ZNF611: variants seen among roughly 807,000 people sequenced by gnomAD.
The protein encoded by ZNF611 is zinc finger protein 611.
Under a neutral mutation model 8.9 loss-of-function variants are expected in ZNF611, and 6 were observed. The observed-to-expected ratio is 0.68, with a 90% CI of 0.37 to 1.34. The LOEUF is 1.34. Ranked by LOEUF, ZNF611 falls within the 40% of genes most tolerant of loss-of-function variation. The pLI is 0.02. For synonymous variants in ZNF611, 262 were observed against 279.7 expected (o/e 0.94, Z 0.63); for missense variants, 874 against 841.3 (o/e 1.04, Z -0.48).
In ZNF611 at chr19:52,705,138, G is replaced by A. The variant is rs151067148; in HGVS notation, c.1917C>T (p.Tyr639=). 1.2e-6 allele frequency: 2 copies of A among 1,613,916 alleles called. No homozygotes were observed. The highest frequency in any genetic ancestry group is 2.2e-5 in the South Asian group (2 of 91,062). Residue 639 remains tyrosine (Y), a synonymous_variant, in exon 6 of 6, where the codon TAC becomes TAT. Transcript: ENST00000652185. ...NTFRHCSSLI[Y]HRRLHTGEKS... ...TCTCTCCAGTATGAAGTCTACGATG[G>A]TATATAAGGGATGAGCAGTGACGGA...
At chr19:52,721,833 C>T (rs1303549111) in intron 3 of ZNF611, among the ~76,000 whole-genome samples, 1 of 152,004 alleles carries the variant, frequency 6.6e-6, no homozygotes, top group Non-Finnish European at 1.5e-5. Context: ...GATGCGATCT[C>T]AGCTCACCAC....
chr19:52,729,705 C>T (rs940165290), intron 2 of ZNF611: 2 of 151,972 alleles, frequency 1.3e-5, no homozygotes, highest in African/African-American at 4.8e-5. Context: ...ACTATTGTAA[C>T]CCATGATAAA....
Position 52,709,794 on chromosome 19 carries a change from C to T in ZNF611, c.191-2930G>A, listed in dbSNP as rs1286902194. Among the ~76,000 whole-genome samples, 8 of 149,764 alleles carry T rather than the reference C, an allele frequency of 5.3e-5. No homozygotes were observed. The South Asian group carries it at 8.5e-4, about 16-fold the overall frequency. Reference sequence around the variant, plus strand: ...GTTGGTCAGGCTGGTCTCAAACTCCCGGCCTCATGTGATTTGGCTGTCTCA... The same window carrying T: ...GTTGGTCAGGCTGGTCTCAAACTCCTGGCCTCATGTGATTTGGCTGTCTCA... On this transcript the variant is annotated intron_variant, in intron 5 of 5. Coordinates refer to ENST00000652185, the MANE Select transcript of ZNF611 (RefSeq NM_001161499.2).
At chr19:52,718,815 CA>C (rs1053902408) in intron 3 of ZNF611, among the ~76,000 whole-genome samples, 1 of 149,336 alleles carries the variant, frequency 6.7e-6, no homozygotes, top group Admixed American at 6.6e-5. Context: ...AACAAACAAA[CA>C]AAAAACAAAA....
intron 3 of ZNF611, chr19:52,724,427 C>T (rs2147442017): frequency 6.6e-6 from 1 of 152,502 alleles, no homozygotes; most frequent in South Asian, 2.1e-4. Flanking sequence ...GCTAGGGTTA[C>T]AGATTAACAG....
At position 52,703,316 on chromosome 19, in the gene ZNF611, C is replaced by G. The variant is rs1464785724; in HGVS notation, c.*1621G>C. The stretch of plus-strand genomic sequence containing the variant: ...TGTTTGTTTGAGATGGAGACTCACT[C>G]TGCCACCCAGGCTGCAGTATAGTGG... On this transcript the variant is annotated 3_prime_UTR_variant, in exon 6 of 6. Transcript: ENST00000652185. 1 of 152,140 alleles carries G rather than the reference C, an allele frequency of 6.6e-6. No individual in the cohort carries two copies. Among genetic ancestry groups the G allele is most frequent in the Non-Finnish European group, 1.5e-5 (1 of 68,026 alleles). 9.4% of individuals were successfully genotyped at this position (152,140 alleles called of 1,614,324 possible). A position where few individuals can be genotyped will look rare whatever the true frequency, so the allele number is the denominator to read the frequency against.
chr19:52,719,852 AGAAGGTCAGCAGATAAACACGTGAAT>A (rs1432070665), intron 3 of ZNF611, among the ~76,000 whole-genome samples: 9 of 152,124 alleles, frequency 5.9e-5, no homozygotes, highest in African/African-American at 2.2e-4. Context: ...AATAGTGGAG[AGAAGGTCAGCAGATAAACACGTGAAT>A]GAAGGTCTCT....
At chr19:52,733,354 G>A (rs998247089) in intron 1 of ZNF611, among the ~76,000 whole-genome samples, 3 of 152,138 alleles carry the variant, frequency 2.0e-5, no homozygotes, top group Non-Finnish European at 2.9e-5. Flanking sequence ...AGGCTGCAGT[G>A]TAGTCACATG....
rs755126523 is a variant in ZNF611, at chr19:52,706,139, G to A, written c.916C>T (p.Arg306Cys). 10 of 1,613,846 alleles carry A rather than the reference G, an allele frequency of 6.2e-6. No individual in the cohort carries two copies. Among genetic ancestry groups the A allele is most frequent in the South Asian group, 4.4e-5 (4 of 91,080 alleles). The change falls in exon 6 of 6, where the codon CGT (arginine) becomes TGT (cysteine). Residue 306 changes from arginine to cysteine, a missense_variant. Physicochemically the swap from Arg to Cys is radical, Grantham distance 180. Coordinates refer to ENST00000652185, the MANE Select transcript of ZNF611 (RefSeq NM_001161499.2). ...FSQESSLTCH[R>C]RLHTGVKRYN... ...CGTTTTACTCCAGTATGAAGTCTACGATGGCAGGTAAGGGATGACTCCTGA... is the reference window on the plus strand; with the variant it reads ...CGTTTTACTCCAGTATGAAGTCTACAATGGCAGGTAAGGGATGACTCCTGA...
Position 52,705,659 on chromosome 19 carries a change from T to C in ZNF611, c.1396A>G (p.Ser466Gly), listed in dbSNP as rs753373248. 7.4e-6 allele frequency: 12 copies of C among 1,612,900 alleles called. No individual in the cohort carries two copies. Among genetic ancestry groups the C allele is most frequent in the East Asian group, 2.2e-5 (1 of 44,812 alleles). The change falls in exon 6 of 6, where the codon AGT becomes GGT. Residue 466 changes from serine (S) to glycine (G), a missense_variant. Coordinates refer to ENST00000652185, the MANE Select transcript of ZNF611 (RefSeq NM_001161499.2). ...CTAGTATGTTTTGCCAGTTGTGAAC[T>C]CCACACAAAAGCCTTGTCACAAACC... ...CKVCDKAFVW[S>G]SQLAKHTRID...
rs370835191 is a variant in ZNF611, at chr19:52,704,888, C to G, written c.*49G>C. On this transcript the variant is annotated 3_prime_UTR_variant, in exon 6 of 6. Coordinates refer to ENST00000652185, the MANE Select transcript of ZNF611 (RefSeq NM_001161499.2). ...CTCTCCAGTATAAATTCTCCTATGT[C>G]TTTAAGGTGTGATTTCCAAATGGAA... 1.9e-5 allele frequency: 31 copies of G among 1,610,872 alleles called. No homozygotes were observed. The highest frequency in any genetic ancestry group is 2.5e-5 in the Non-Finnish European group (30 of 1,178,474).
At position 52,724,958 on chromosome 19, in the gene ZNF611, T is replaced by G. The variant is rs969269546; in HGVS notation, c.-20+3772A>C. 1.6e-4 allele frequency among the ~76,000 whole-genome samples: 24 copies of G among 152,302 alleles called. No homozygotes were observed. In the Middle Eastern group the frequency reaches 0.01, roughly 65 times the overall value. On this transcript the variant is annotated intron_variant, in intron 3 of 5. Transcript: ENST00000652185. Reference sequence around the variant, plus strand: ...CACTTTTGCTGTCTCTTGGCAAATTTCTCACCCATCCTCTACTTTGCCATC... The same window carrying G: ...CACTTTTGCTGTCTCTTGGCAAATTGCTCACCCATCCTCTACTTTGCCATC...
At chr19:52,727,541 A>G (rs2062400411) in intron 3 of ZNF611, among the ~76,000 whole-genome samples, 1 of 152,170 alleles carries the variant, frequency 6.6e-6, no homozygotes, top group Admixed American at 6.5e-5. Flanking sequence ...CAGGGGGAGA[A>G]ACCCTAACAC....
chr19:52,734,060 TCC>T (rs1049090396), intron 1 of ZNF611, among the ~76,000 whole-genome samples: 24 of 151,910 alleles, frequency 1.6e-4, no homozygotes, highest in African/African-American at 5.6e-4. Context: ...CTTCCCTCTC[TCC>T]CTCACTCTGA....
intron 5 of ZNF611, among the ~76,000 whole-genome samples, chr19:52,711,461 A>G (rs1249113939): frequency 2.6e-5 from 4 of 152,212 alleles, no homozygotes; most frequent in African/African-American, 9.7e-5. Context: ...ACGTACGGTA[A>G]GTGAGGGACA....
chr19:52,715,744 T>A (rs2062312306), intron 4 of ZNF611, 88 bp downstream of exon 4: 1 of 1,583,018 alleles, frequency 6.3e-7, no homozygotes, highest in East Asian at 2.2e-5. Context: ...GACAAGATGC[T>A]TCAGACTCAG....
intron 3 of ZNF611, among the ~76,000 whole-genome samples, chr19:52,725,328 A>G (rs2062384613): frequency 6.6e-6 from 1 of 152,182 alleles, no homozygotes; most frequent in South Asian, 2.1e-4. Flanking sequence ...AGGACCAGGC[A>G]GAGGACCCAG....
intron 3 of ZNF611, among the ~76,000 whole-genome samples, chr19:52,722,905 GTTTTTTTTT>G (rs372056346): frequency 6.7e-5 from 8 of 120,010 alleles, no homozygotes; most frequent in Admixed American, 6.4e-4. Flanking sequence ...TTTTGTTTTC[GTTTTTTTTT>G]TTTTTTTTTT....
rs1426862564 is a variant in ZNF611 at position 52,702,836 on chromosome 19, T to C, written c.*2101A>G. 1 of 152,160 alleles carries C rather than the reference T, an allele frequency of 6.6e-6. No homozygotes were observed. Among genetic ancestry groups the C allele is most frequent in the Non-Finnish European group, 1.5e-5 (1 of 68,036 alleles). The allele number at this position is 152,160 out of a possible 1,614,324, so 9.4% of individuals were successfully genotyped here. A position where few individuals can be genotyped will look rare whatever the true frequency, so the allele number is the denominator to read the frequency against. On this transcript the variant is annotated 3_prime_UTR_variant, in exon 6 of 6. Coordinates refer to ENST00000652185, the MANE Select transcript of ZNF611 (RefSeq NM_001161499.2). ...GGTTAAAGTACATTTTGATGTTTAG[T>C]TAAAAGGCCACTGACATATTTACCA...
Sources: gnomAD v4.1 joint callset for allele counts (sites outside exome capture counted in the v4.1 genomes callset) on GRCh38, gnomAD v4.1.1 for gene constraint, MANE v1.5 for transcripts, NCBI Gene and HGNC (gene_info 2026-07-23, HGNC 2026-07-21) for gene names.